The following LHFPL3 variants were observed in gnomAD, a reference collection of about 807,000 sequenced individuals.
The protein encoded by LHFPL3 is LHFPL tetraspan subfamily member 3 protein.
A neutral mutation model predicts 19.3 loss-of-function variants in LHFPL3; 5 were observed. The ratio of observed to expected loss-of-function variants is 0.26; its 90% CI spans 0.14 to 0.54. LHFPL3 has a LOEUF of 0.54. Among genes scored for constraint, LHFPL3 ranks in the 20% least tolerant of loss-of-function variants. LHFPL3 has a pLI of 0.94. For missense variants in LHFPL3, 249 were observed against 307.4 expected, an observed-to-expected ratio of 0.81 and a Z score of 1.42; for synonymous variants, 133 against 126.2, an observed-to-expected ratio of 1.05 and a Z score of -0.36.
At chr7:104,430,016 A>C (rs559057922) in intron 1 of LHFPL3, among the ~76,000 whole-genome samples, 3 of 152,178 alleles carry the variant, frequency 2.0e-5, no homozygotes, top group Admixed American at 6.5e-5. Flanking sequence ...TGGCTCCTCA[A>C]ACCGCTCTAG....
intron 2 of LHFPL3, among the ~76,000 whole-genome samples, chr7:104,852,753 G>T (rs1316474202): frequency 6.6e-6 from 1 of 152,234 alleles, no homozygotes; most frequent in East Asian, 1.9e-4. Context: ...TGTGTGTTTT[G>T]TAAGTGAACT....
chr7:104,530,554 A>G (rs1031711578), intron 1 of LHFPL3, among the ~76,000 whole-genome samples: 11 of 152,238 alleles, frequency 7.2e-5, no homozygotes, highest in African/African-American at 2.4e-4. Flanking sequence ...CAAGGAAAGC[A>G]AAGTGTATAT....
chr7:104,565,363 A>G (rs1028196660), intron 1 of LHFPL3, among the ~76,000 whole-genome samples: 4 of 152,256 alleles, frequency 2.6e-5, no homozygotes, highest in Non-Finnish European at 5.9e-5. Flanking sequence ...ATGCTAATGC[A>G]TGAGAAAAAA....
At chr7:104,469,312 G>A (rs998491032) in intron 1 of LHFPL3, among the ~76,000 whole-genome samples, 1 of 152,152 alleles carries the variant, frequency 6.6e-6, no homozygotes, top group Non-Finnish European at 1.5e-5. Context: ...GTCACCTTTT[G>A]TGTAAATACC....
intron 1 of LHFPL3, among the ~76,000 whole-genome samples, chr7:104,339,847 C>A (rs1789911481): frequency 6.6e-6 from 1 of 152,168 alleles, no homozygotes; most frequent in African/African-American, 2.4e-5. Context: ...TAATCTTAGA[C>A]TGTGAATTCC....
chr7:104,691,226 C>T (rs1410251793), intron 1 of LHFPL3, among the ~76,000 whole-genome samples: 2 of 152,200 alleles, frequency 1.3e-5, no homozygotes, highest in Non-Finnish European at 2.9e-5. Context: ...GGAAGTGGCA[C>T]AAACGTAATT....
At chr7:104,822,421 T>C (rs1456569785) in intron 2 of LHFPL3, among the ~76,000 whole-genome samples, 1 of 152,158 alleles carries the variant, frequency 6.6e-6, no homozygotes, top group Admixed American at 6.5e-5. Flanking sequence ...TGCTGCAGGG[T>C]TACTCAACCT....
intron 1 of LHFPL3, among the ~76,000 whole-genome samples, chr7:104,518,844 T>A (rs184576197): frequency 0.013 from 1,850 of 146,900 alleles, 21 homozygotes; most frequent in Non-Finnish European, 0.015. Flanking sequence ...GATAGATAGA[T>A]AGAATAAATA....
intron 2 of LHFPL3, chr7:104,826,227 A>G (rs1336198997): frequency 6.6e-6 from 1 of 152,486 alleles, no homozygotes; most frequent in Non-Finnish European, 1.5e-5. Flanking sequence ...AGCTCTCACC[A>G]TGGCTTAGGT....
intron 1 of LHFPL3, chr7:104,469,908 A>G (rs979248478): frequency 7.3e-6 from 3 of 411,778 alleles, no homozygotes; most frequent in Non-Finnish European, 1.5e-5. Context: ...TCTATATCTA[A>G]CCTAACATTC....
At chr7:104,610,388 G>A (rs902361577) in intron 1 of LHFPL3, among the ~76,000 whole-genome samples, 8 of 151,950 alleles carry the variant, frequency 5.3e-5, no homozygotes, top group Non-Finnish European at 1.2e-4. Context: ...GAGTTTTCCA[G>A]AGAAACAGAA....
chr7:104,464,520 C>G (rs1792739603), intron 1 of LHFPL3, among the ~76,000 whole-genome samples: 1 of 152,242 alleles, frequency 6.6e-6, no homozygotes, highest in Non-Finnish European at 1.5e-5. Context: ...ATACTTCTGC[C>G]TGGACATCCA....
rs534533371 is a variant in LHFPL3, at chr7:104,828,814, C to T, written c.683-77373C>T. On this transcript the variant is annotated intron_variant, in intron 2 of 2. Coordinates refer to ENST00000424859, the MANE Select transcript of LHFPL3 (RefSeq NM_199000.3). ...CTTTGGGAGGCCAAGGCAGGTGGAT[C>T]ACTTGAGGTCAGGAGTTCGAGACCA... Among the ~76,000 whole-genome samples, 3 of 151,982 alleles carry T rather than the reference C, an allele frequency of 2.0e-5. No homozygotes were observed. The South Asian group carries it at 6.2e-4, about 32-fold the overall frequency.
At chr7:104,426,619 G>GAA (rs1791851420) in intron 1 of LHFPL3, among the ~76,000 whole-genome samples, 1 of 152,192 alleles carries the variant, frequency 6.6e-6, no homozygotes, top group Non-Finnish European at 1.5e-5. Flanking sequence ...CAGTGTTTAT[G>GAA]AAAAGGACCC....
chr7:104,748,942 A>G (rs1392143221), intron 2 of LHFPL3, among the ~76,000 whole-genome samples: 1 of 152,162 alleles, frequency 6.6e-6, no homozygotes, highest in East Asian at 1.9e-4. Flanking sequence ...GCGCTGACTG[A>G]ATTTTTTCTT....
At chr7:104,503,280 AAAG>A (rs1264453442) in intron 1 of LHFPL3, among the ~76,000 whole-genome samples, 5 of 152,288 alleles carry the variant, frequency 3.3e-5, no homozygotes, top group African/African-American at 1.2e-4. Flanking sequence ...ATTTTGGTAA[AAAG>A]AAGCAAACAC....
intron 1 of LHFPL3, among the ~76,000 whole-genome samples, chr7:104,348,469 G>A (rs1790114224): frequency 6.6e-6 from 1 of 152,188 alleles, no homozygotes; most frequent in Admixed American, 6.5e-5. Context: ...AACATCTTGT[G>A]TATATAAATA....
At chr7:104,525,196 C>A (rs1794163016) in intron 1 of LHFPL3, among the ~76,000 whole-genome samples, 1 of 152,160 alleles carries the variant, frequency 6.6e-6, no homozygotes, top group African/African-American at 2.4e-5. Context: ...ACCACCAATT[C>A]AAATCATCTG....
chr7:104,535,293 T>C (rs1299118536), intron 1 of LHFPL3, among the ~76,000 whole-genome samples: 1 of 152,230 alleles, frequency 6.6e-6, no homozygotes, highest in East Asian at 1.9e-4. Context: ...CTCCAAATGA[T>C]ACTTCTGTCA....
Sources: allele counts gnomAD v4.1 joint callset (sites outside exome capture counted in the v4.1 genomes callset), GRCh38; gene constraint gnomAD v4.1.1; transcripts MANE v1.5; gene names NCBI Gene and HGNC (gene_info 2026-07-23, HGNC 2026-07-21).